NRXN3: variants seen among roughly 807,000 people sequenced by gnomAD.
NRXN3 encodes neurexin III.
A neutral mutation model predicts 137.6 loss-of-function variants in NRXN3; 32 were observed. The ratio of observed to expected loss-of-function variants is 0.23; its 90% CI spans 0.18 to 0.31. The LOEUF is 0.31. NRXN3 is among the 10% of genes least tolerant of loss of function. The probability of loss-of-function intolerance (pLI) is 1.00; values close to 1 mark genes in which losing one functional copy is unlikely to be tolerated. For synonymous variants in NRXN3, 798 were observed against 784.5 expected, an observed-to-expected ratio of 1.02 and a Z score of -0.29; for missense variants, 1,574 against 2,062.5, an observed-to-expected ratio of 0.76 and a Z score of 4.59.
intron 15 of NRXN3, among the ~76,000 whole-genome samples, chr14:79,426,524 G>A (rs891213903): frequency 1.3e-5 from 2 of 152,204 alleles, no homozygotes; most frequent in Non-Finnish European, 2.9e-5. Context: ...ATTACTGTTT[G>A]CCAAAGCTCT....
intron 4 of NRXN3, among the ~76,000 whole-genome samples, chr14:78,491,623 T>C (rs978375224): frequency 2.0e-5 from 3 of 152,168 alleles, no homozygotes; most frequent in African/African-American, 7.2e-5. Context: ...ACGGAATATC[T>C]GGCAGATATC....
At chr14:78,273,814 A>G (rs1472296582) in intron 2 of NRXN3, among the ~76,000 whole-genome samples, 1 of 152,082 alleles carries the variant, frequency 6.6e-6, no homozygotes, top group Non-Finnish European at 1.5e-5. Flanking sequence ...TTCTTCAGCT[A>G]CCTCCTGCTG....
intron 15 of NRXN3, among the ~76,000 whole-genome samples, chr14:79,292,879 G>A (rs148813525): frequency 2.0e-5 from 3 of 152,312 alleles, no homozygotes; most frequent in East Asian, 1.9e-4. Context: ...CATTACAGAC[G>A]TAGGGAGGTT....
intron 15 of NRXN3, among the ~76,000 whole-genome samples, chr14:79,446,107 A>G (rs1226439660): frequency 6.6e-6 from 1 of 152,154 alleles, no homozygotes; most frequent in Non-Finnish European, 1.5e-5. Context: ...TATTGAGGAG[A>G]GGCAGACAAA....
chr14:78,669,683 G>T (rs1047621963), intron 6 of NRXN3, among the ~76,000 whole-genome samples: 2 of 152,026 alleles, frequency 1.3e-5, no homozygotes, highest in Non-Finnish European at 2.9e-5. Flanking sequence ...GGAAGAAAGG[G>T]AGGGCGATTC....
chr14:79,171,088 A>G, intron 15 of NRXN3, among the ~76,000 whole-genome samples: 1 of 152,192 alleles, frequency 6.6e-6, no homozygotes, highest in South Asian at 2.1e-4. Context: ...AACCTACTCT[A>G]CAAGGTTTTA....
chr14:79,270,649 A>C (rs1277121397), intron 15 of NRXN3, among the ~76,000 whole-genome samples: 3 of 152,198 alleles, frequency 2.0e-5, no homozygotes, highest in Non-Finnish European at 2.9e-5. Flanking sequence ...TAATAACAGA[A>C]TGTGGCAAGT....
intron 6 of NRXN3, among the ~76,000 whole-genome samples, chr14:78,657,646 C>T (rs1420093865): frequency 6.6e-6 from 1 of 152,174 alleles, no homozygotes; most frequent in African/African-American, 2.4e-5. Context: ...AGTTTTGCAG[C>T]CAGAGATAGT....
chr14:79,443,203 A>G (rs981634643), intron 15 of NRXN3, among the ~76,000 whole-genome samples: 12 of 152,236 alleles, frequency 7.9e-5, no homozygotes, highest in African/African-American at 2.9e-4. Flanking sequence ...CTCCTTGCAC[A>G]GTTGAGGAAA....
intron 15 of NRXN3, among the ~76,000 whole-genome samples, chr14:79,137,511 A>G (rs1203916133): frequency 6.6e-6 from 1 of 152,210 alleles, no homozygotes; most frequent in Non-Finnish European, 1.5e-5. Flanking sequence ...AACAATATTA[A>G]AATCCAGCCA....
At chr14:79,578,831 G>A (rs2097689118) in intron 16 of NRXN3, among the ~76,000 whole-genome samples, 1 of 152,064 alleles carries the variant, frequency 6.6e-6, no homozygotes, top group African/African-American at 2.4e-5. Context: ...GTTTACAAGG[G>A]ATACAATCCC....
rs139199085 is a variant in NRXN3 at position 78,610,491 on chromosome 14, G to A, written c.758-34629G>A. On this transcript the variant is annotated intron_variant, in intron 4 of 20. Transcript: ENST00000335750. Reference sequence around the variant, plus strand: ...GGTGTGTGCTGGTCTCTCATGCCAGGTCCCCTTCTCTTATTTGCAAACTGT... The same window carrying A: ...GGTGTGTGCTGGTCTCTCATGCCAGATCCCCTTCTCTTATTTGCAAACTGT... Among the ~76,000 whole-genome samples the A allele has an allele frequency of 2.2e-3, 335 of 152,212 alleles. 4 individuals carry two copies. The highest frequency in any genetic ancestry group is 7.7e-3 in the African/African-American group (318 of 41,514).
chr14:78,736,316 C>T (rs1410756240), intron 8 of NRXN3, among the ~76,000 whole-genome samples: 1 of 152,126 alleles, frequency 6.6e-6, no homozygotes, highest in Non-Finnish European at 1.5e-5. Context: ...TGGTGGCAGG[C>T]AGAATTGGTT....
intron 1 of NRXN3, among the ~76,000 whole-genome samples, chr14:78,184,820 C>T (rs1033721178): frequency 2.6e-5 from 4 of 152,154 alleles, no homozygotes; most frequent in East Asian, 1.9e-4. Context: ...TAGGGAGTTG[C>T]GCAAGTAGTT....
intron 15 of NRXN3, among the ~76,000 whole-genome samples, chr14:79,052,534 CA>C (rs2099643481): frequency 6.6e-6 from 1 of 152,222 alleles, no homozygotes; most frequent in Non-Finnish European, 1.5e-5. Flanking sequence ...GATTGAGACA[CA>C]AAGCTTGGCC....
At position 78,236,726 on chromosome 14, in the gene NRXN3, TA is replaced by T. The variant is rs1479012093; in HGVS notation, c.-703-5664del. ...CAAAACTGCCCTATGAGATAGGTAT[TA>T]TTCCCCCCCCCCTTTTTTTTGATGA... On this transcript the variant is annotated intron_variant, in intron 1 of 20. Transcript: ENST00000335750. Among the ~76,000 whole-genome samples the T allele has an allele frequency of 4.3e-5, 3 of 70,216 alleles. No individual in the cohort carries two copies. In the Admixed American group the frequency reaches 4.6e-4, roughly 11 times the overall value. 46.1% of individuals were successfully genotyped at this position (70,216 alleles called of 152,430 possible).
chr14:78,630,597 C>CTTTTTTTTT (rs370862037), intron 4 of NRXN3, among the ~76,000 whole-genome samples: 46 of 127,790 alleles, frequency 3.6e-4, no homozygotes, highest in East Asian at 8.5e-4. Context: ...TTCTTTCTTT[C>CTTTTTTTTT]TTTTTTTTTT....
chr14:78,789,085 T>C (rs144837645), intron 8 of NRXN3, among the ~76,000 whole-genome samples: 1 of 152,310 alleles, frequency 6.6e-6, no homozygotes, highest in East Asian at 1.9e-4. Context: ...GTTTGCACAA[T>C]AAAGCAATGG....
At chr14:78,944,518 G>A (rs1294331695) in intron 10 of NRXN3, among the ~76,000 whole-genome samples, 1 of 152,152 alleles carries the variant, frequency 6.6e-6, no homozygotes, top group African/African-American at 2.4e-5. Flanking sequence ...GTTAAGATGA[G>A]GTCACACTGG....
Sources: gnomAD v4.1 joint callset for allele counts (sites outside exome capture counted in the v4.1 genomes callset) on GRCh38, gnomAD v4.1.1 for gene constraint, MANE v1.5 for transcripts, NCBI Gene and HGNC (gene_info 2026-07-23, HGNC 2026-07-21) for gene names.